Variants in ATXN1 observed in about 807,000 individuals in gnomAD.
ATXN1 encodes ataxin 1.
ATXN1 carries 8 observed loss-of-function variants against 56.4 expected under a neutral mutation model. That is an observed-to-expected ratio of 0.14 (90% CI 0.08 to 0.26). The LOEUF (loss-of-function observed/expected upper bound fraction) is 0.26. Ranked by LOEUF, ATXN1 falls within the 10% of genes least tolerant of loss-of-function variation. The pLI, the probability that ATXN1 is intolerant of heterozygous loss-of-function variation, is 1.00. For missense variants in ATXN1, 987 were observed against 1,106.5 expected (o/e 0.89, Z 1.53); for synonymous variants, 514 against 494.6 (o/e 1.04, Z -0.52).
At chr6:16,523,289 C>A (rs1368182849) in intron 4 of ATXN1, among the ~76,000 whole-genome samples, 1 of 152,130 alleles carries the variant, frequency 6.6e-6, no homozygotes, top group African/African-American at 2.4e-5. Context: ...AACCCTGAGG[C>A]CCAGGGGACT....
chr6:16,523,422 C>T (rs959355491), intron 4 of ATXN1, among the ~76,000 whole-genome samples: 3 of 152,220 alleles, frequency 2.0e-5, no homozygotes, highest in African/African-American at 7.2e-5. Context: ...GCCATCATAG[C>T]TCACTGCAGC....
intron 2 of ATXN1, among the ~76,000 whole-genome samples, chr6:16,707,500 C>T (rs1028824680): frequency 6.6e-5 from 10 of 152,188 alleles, no homozygotes; most frequent in Admixed American, 4.6e-4. Flanking sequence ...GTCTCTCTGT[C>T]TCAATAACAC....
chr6:16,316,901 A>G (rs1467565048), intron 7 of ATXN1, among the ~76,000 whole-genome samples: 1 of 96,904 alleles, frequency 1.0e-5, no homozygotes, highest in Non-Finnish European at 1.8e-5. Flanking sequence ...TTAACCAGCC[A>G]GAACTAAAGT....
chr6:16,686,457 G>A (rs1758920686), intron 2 of ATXN1, among the ~76,000 whole-genome samples: 2 of 152,158 alleles, frequency 1.3e-5, no homozygotes, highest in Non-Finnish European at 2.9e-5. Flanking sequence ...GCTTCCCGTT[G>A]TGTAATTATT....
intron 3 of ATXN1, among the ~76,000 whole-genome samples, chr6:16,597,668 G>A (rs367891566): frequency 3.3e-5 from 5 of 152,052 alleles, no homozygotes; most frequent in South Asian, 2.1e-4. Context: ...TCAAACTCCC[G>A]ACCTCAGGTG....
In ATXN1 at chr6:16,328,043, G is replaced by A. The variant is rs2113414490; in HGVS notation, c.268C>T (p.Pro90Ser). Residue 90 changes from proline (P) to serine (S), a missense_variant, in exon 7 of 8, where the codon CCC becomes TCC. This residue lies in a region of ATXN1 where 723 missense variants were observed against 791.7 expected (regional missense o/e 0.91). Coordinates refer to ENST00000436367, the MANE Select transcript of ATXN1 (RefSeq NM_001128164.2). The surrounding 1 kb of genome is among the most constrained non-coding windows in gnomAD (Gnocchi z 6.2). ...ALSTGLDYSP[P>S]SAPRSVPVAT... ...ACGGGGACAGACCTGGGAGCGCTGG[G>A]CGGGGAGTAGTCCAGCCCTGTGGAC... The A allele has an allele frequency of 6.2e-7, 1 of 1,613,714 alleles. No homozygotes were observed. Among genetic ancestry groups the A allele is most frequent in the Non-Finnish European group, 8.5e-7 (1 of 1,179,752 alleles).
chr6:16,344,939 C>T lies in ATXN1; in HGVS notation c.-160-16469G>A, dbSNP rs1489821875. On this transcript the variant is annotated intron_variant, in intron 6 of 7. Transcript: ENST00000436367. The stretch of plus-strand genomic sequence containing the variant: ...CCGGCTGCTGCAATCCTTGTTTTCA[C>T]GTGTTTTCGTCATTAGACCGTAAAC... Among the ~76,000 whole-genome samples, 12 of 152,194 alleles carry T rather than the reference C, an allele frequency of 7.9e-5. No individual in the cohort carries two copies. In the South Asian group the frequency reaches 2.1e-3, roughly 26 times the overall value.
intron 4 of ATXN1, among the ~76,000 whole-genome samples, chr6:16,568,663 GT>G (rs34833835): frequency 0.46 from 69,918 of 150,790 alleles, 18,768 homozygotes; most frequent in East Asian, 0.73. Flanking sequence ...AACAACCAAA[GT>G]TTTTTTTTTC....
intron 6 of ATXN1, among the ~76,000 whole-genome samples, chr6:16,403,996 A>T (rs922665486): frequency 6.6e-6 from 1 of 152,210 alleles, no homozygotes; most frequent in African/African-American, 2.4e-5. Flanking sequence ...AAAAATGCTG[A>T]AATTATGTAT....
At chr6:16,522,999 T>C (rs1761323374) in intron 4 of ATXN1, among the ~76,000 whole-genome samples, 1 of 152,198 alleles carries the variant, frequency 6.6e-6, no homozygotes, top group Admixed American at 6.5e-5. Flanking sequence ...TTTAGGTGCC[T>C]TTCTTAAAAT....
In ATXN1 at chr6:16,327,036, G is replaced by A; in HGVS notation, c.1275C>T (p.Ser425=). ...TGACCGTGTGGGGTGAGAGCGCGTA[G>A]GACCGGTGGCCAGGCTTCCCTAAAT... The part of the protein sequence containing the change: ...GLHLGKPGHR[S]YALSPHTVIQ... Residue 425 remains serine (S), a synonymous_variant, in exon 7 of 8, where the codon TCC becomes TCT. Transcript: ENST00000436367. 6.2e-7 allele frequency: 1 copy of A among 1,614,168 alleles called. No homozygotes were observed. The highest frequency in any genetic ancestry group is 2.2e-5 in the East Asian group (1 of 44,874).
intron 4 of ATXN1, among the ~76,000 whole-genome samples, chr6:16,551,699 C>T (rs1334543370): frequency 6.6e-6 from 1 of 152,124 alleles, no homozygotes; most frequent in Non-Finnish European, 1.5e-5. Context: ...CAAGTCGAGC[C>T]CTGACCTCTC....
At chr6:16,537,271 C>T in intron 4 of ATXN1, among the ~76,000 whole-genome samples, 1 of 152,078 alleles carries the variant, frequency 6.6e-6, no homozygotes, top group Non-Finnish European at 1.5e-5. Flanking sequence ...CCTTGCTATT[C>T]TACGCAGCAA....
intron 6 of ATXN1, among the ~76,000 whole-genome samples, chr6:16,440,567 G>A (rs574704378): frequency 4.9e-4 from 72 of 147,844 alleles, no homozygotes; most frequent in African/African-American, 1.7e-3. Context: ...CTTGAACCCA[G>A]GAGCCAGAGG....
At chr6:16,442,919 C>T (rs753058516) in intron 6 of ATXN1, among the ~76,000 whole-genome samples, 129 of 151,948 alleles carry the variant, frequency 8.5e-4, no homozygotes, top group African/African-American at 2.9e-3. Context: ...GGCTGAGGCA[C>T]GAGAATTGCT....
intron 6 of ATXN1, among the ~76,000 whole-genome samples, chr6:16,340,238 G>A (rs766915679): frequency 5.3e-5 from 8 of 152,224 alleles, no homozygotes; most frequent in Non-Finnish European, 8.8e-5. Flanking sequence ...TTTGGGCCAT[G>A]AGGTATACGT....
intron 4 of ATXN1, among the ~76,000 whole-genome samples, chr6:16,558,900 A>G (rs908936484): frequency 1.3e-5 from 2 of 152,174 alleles, no homozygotes; most frequent in African/African-American, 4.8e-5. Context: ...TAATCTTTTT[A>G]GCTGTTACAT....
At position 16,541,822 on chromosome 6, in the gene ATXN1, G is replaced by A. The variant is rs181771176; in HGVS notation, c.-360-19134C>T. Among the ~76,000 whole-genome samples the A allele has an allele frequency of 5.8e-4, 88 of 152,250 alleles. 1 individual carries two copies. Among genetic ancestry groups the A allele is most frequent in the African/African-American group, 1.6e-3 (67 of 41,550 alleles). On this transcript the variant is annotated intron_variant, in intron 4 of 7. Transcript: ENST00000436367. Reference sequence around the variant, plus strand: ...AACACGGAAATTGTATCCTGCTAACGTAAAGTGACTTGGTCAAAGCTACGC... The same window carrying A: ...AACACGGAAATTGTATCCTGCTAACATAAAGTGACTTGGTCAAAGCTACGC...
chr6:16,596,556 T>A (rs1485493609), intron 3 of ATXN1, among the ~76,000 whole-genome samples: 1 of 152,230 alleles, frequency 6.6e-6, no homozygotes, highest in Admixed American at 6.5e-5. Context: ...GATTCCTATG[T>A]CACGTTAAAA....
Sources: gnomAD v4.1 joint callset for allele counts (sites outside exome capture counted in the v4.1 genomes callset) on GRCh38, gnomAD v4.1.1 for gene constraint, gnomAD v4.1.1 regional missense constraint, Gnocchi (gnomAD v3.1) non-coding constraint, MANE v1.5 for transcripts, NCBI Gene and HGNC (gene_info 2026-07-23, HGNC 2026-07-21) for gene names.